The following AZGP1 variants were observed in gnomAD, a reference collection of about 807,000 sequenced individuals.
AZGP1 encodes alpha-2-glycoprotein 1, zinc-binding.
In AZGP1, 28 loss-of-function variants were observed where a neutral mutation model predicts 31.5. That is an observed-to-expected ratio of 0.89 (90% CI 0.66 to 1.22). The LOEUF is 1.22. Ranked by LOEUF, AZGP1 falls within the 50% of genes most tolerant of loss-of-function variation. AZGP1 has a pLI of 0.00. For missense variants in AZGP1, 361 were observed against 371.8 expected (o/e 0.97, Z 0.24); for synonymous variants, 135 against 145.4 (o/e 0.93, Z 0.51).
At chr7:99,970,393 G>A (rs919565858) in intron 2 of AZGP1, among the ~76,000 whole-genome samples, 4 of 151,970 alleles carry the variant, frequency 2.6e-5, no homozygotes, top group Non-Finnish European at 5.9e-5. Context: ...ACAGACGTGT[G>A]CCACCATGCC....
At chr7:99,968,017 A>T in intron 3 of AZGP1, 138 bp downstream of exon 3, 1 of 1,181,610 alleles carries the variant, frequency 8.5e-7, no homozygotes, top group South Asian at 1.3e-5. Flanking sequence ...GGAAGGAATA[A>T]ATCCTAAAAG....
chr7:99,974,252 A>AAAT (rs1182927346), intron 1 of AZGP1, among the ~76,000 whole-genome samples: 1 of 151,948 alleles, frequency 6.6e-6, no homozygotes, highest in Admixed American at 6.6e-5. Context: ...TCCATCTCAA[A>AAAT]AATAATAATA....
rs1789523905 is a variant in AZGP1, at chr7:99,968,326, T to A, written c.442A>T (p.Asn148Tyr). 10 of 1,613,716 alleles carry A rather than the reference T, an allele frequency of 6.2e-6. No individual in the cohort carries two copies. The highest frequency in any genetic ancestry group is 6.8e-6 in the Non-Finnish European group (8 of 1,179,962). ...YYDGKDYIEF[N>Y]KEIPAWVPFD... ...GGGACCCAGGCTGGGATTTCTTTGTTGAATTCAATGTAGTCCTTTCCATCA... is the reference window on the plus strand; with the variant it reads ...GGGACCCAGGCTGGGATTTCTTTGTAGAATTCAATGTAGTCCTTTCCATCA... Residue 148 changes from asparagine to tyrosine, a missense_variant, in exon 3 of 4, where the codon AAC becomes TAC. By Grantham distance (143) the Asn-to-Tyr change is moderately radical. Coordinates refer to ENST00000292401, the MANE Select transcript of AZGP1 (RefSeq NM_001185.4).
Position 99,966,790 on chromosome 7 carries a change from TG to T in AZGP1, c.*212del, listed in dbSNP as rs1789486154. 1.0e-5 allele frequency: 6 copies of T among 592,784 alleles called. No homozygotes were observed. Among genetic ancestry groups the T allele is most frequent in the Non-Finnish European group, 1.7e-5 (6 of 354,184 alleles). 36.7% of individuals were successfully genotyped at this position (592,784 alleles called of 1,614,324 possible). On this transcript the variant is annotated 3_prime_UTR_variant, in exon 4 of 4. Transcript: ENST00000292401. ...TACAGATTAGACAATGGGGTGGGGG[TG>T]GGCTCAAGGTGAGATGATTTTTTGG...
At chr7:99,974,153 G>A (rs1050943339) in intron 1 of AZGP1, among the ~76,000 whole-genome samples, 2 of 151,888 alleles carry the variant, frequency 1.3e-5, no homozygotes, top group Non-Finnish European at 2.9e-5. Context: ...TACACCCGAG[G>A]CAAGATAATT....
rs752076348 is a variant in AZGP1, at chr7:99,966,784, TGGG to T, written c.*216_*218del. On this transcript the variant is annotated 3_prime_UTR_variant, in exon 4 of 4. Coordinates refer to ENST00000292401, the MANE Select transcript of AZGP1 (RefSeq NM_001185.4). ...AGCTTCTACAGATTAGACAATGGGG[TGGG>T]GGTGGGCTCAAGGTGAGATGATTTT... 4 of 523,116 alleles carry T rather than the reference TGGG, an allele frequency of 7.6e-6. No homozygotes were observed. Among genetic ancestry groups the T allele is most frequent in the Non-Finnish European group, 1.3e-5 (4 of 314,824 alleles). The allele number at this position is 523,116 out of a possible 1,614,324, so 32.4% of individuals were successfully genotyped here.
chr7:99,972,986 G>A (rs1444538302), intron 1 of AZGP1, among the ~76,000 whole-genome samples: 4 of 151,946 alleles, frequency 2.6e-5, no homozygotes, highest in African/African-American at 9.7e-5. Context: ...GCATGGTGGC[G>A]GGTGCCTGTA....
Position 99,968,340 on chromosome 7 carries a change from T to G in AZGP1, c.428A>C (p.Asp143Ala). 6.2e-7 allele frequency: 1 copy of G among 1,613,688 alleles called. No individual in the cohort carries two copies. Among genetic ancestry groups the G allele is most frequent in the Non-Finnish European group, 8.5e-7 (1 of 1,179,962 alleles). Residue 143 changes from aspartate (D) to alanine (A), a missense_variant, in exon 3 of 4, where the codon GAC (aspartate) becomes GCC (alanine). By Grantham distance (126) the Asp-to-Ala change is moderately radical (BLOSUM62 -2). Transcript: ENST00000292401. ...GATTTCTTTGTTGAATTCAATGTAG[T>G]CCTTTCCATCATAGTAATATTTCCA... Reference protein sequence around the residue: ...AFWKYYYDGKDYIEFNKEIPA... With the variant: ...AFWKYYYDGKAYIEFNKEIPA...
chr7:99,971,267 G>A (rs1789571521), intron 2 of AZGP1, among the ~76,000 whole-genome samples: 1 of 152,214 alleles, frequency 6.6e-6, no homozygotes, highest in Non-Finnish European at 1.5e-5. Flanking sequence ...TTTGGAGGTA[G>A]GTCTCAGTGC....
chr7:99,967,368 T>G lies in AZGP1; in HGVS notation c.614-82A>C. On this transcript the variant is annotated intron_variant, in intron 3 of 3. Coordinates refer to ENST00000292401, the MANE Select transcript of AZGP1 (RefSeq NM_001185.4). ...GTCTCTTCCTACCCCCACCCCTGGA[T>G]GTCAGCGATCAGCAGAGCTCGAAGC... 6 of 1,468,520 alleles carry G rather than the reference T, an allele frequency of 4.1e-6. No homozygotes were observed. In the South Asian group the frequency reaches 6.6e-5, roughly 16 times the overall value. 91.0% of individuals were successfully genotyped at this position (1,468,520 alleles called of 1,614,324 possible). A position where few individuals can be genotyped will look rare whatever the true frequency, so the allele number is the denominator to read the frequency against.
At chr7:99,970,083 A>T (rs1400258040) in intron 2 of AZGP1, among the ~76,000 whole-genome samples, 1 of 150,526 alleles carries the variant, frequency 6.6e-6, no homozygotes. Context: ...CCTGAACTGG[A>T]GCCACTCAAC....
At chr7:99,968,099 C>T (rs936860612) in intron 3 of AZGP1, 56 bp downstream of exon 3, 2 of 1,599,436 alleles carry the variant, frequency 1.3e-6, no homozygotes, top group Admixed American at 3.3e-5. Flanking sequence ...GAGCTCCTAG[C>T]CTGAGATCGT....
chr7:99,967,416 C>T (rs1789503033), intron 3 of AZGP1, 130 bp from the exon 4 acceptor site: 3 of 1,053,720 alleles, frequency 2.8e-6, no homozygotes, highest in African/African-American at 3.2e-5. Flanking sequence ...CACCCCCAGC[C>T]CCGGGAGACT....
At position 99,966,896 on chromosome 7, in the gene AZGP1, A is replaced by G. The variant is rs1013829766; in HGVS notation, c.*107T>C. 121 of 1,454,750 alleles carry G rather than the reference A, an allele frequency of 8.3e-5. No individual in the cohort carries two copies. The highest frequency in any genetic ancestry group is 1.0e-4 in the Non-Finnish European group (112 of 1,072,270). 90.1% of individuals were successfully genotyped at this position (1,454,750 alleles called of 1,614,324 possible). ...TGTCTGTCCCCCCACACTGCTCCTC[A>G]GGCCTTGTGGATCCATTGACTGTGA... On this transcript the variant is annotated 3_prime_UTR_variant, in exon 4 of 4. Coordinates refer to ENST00000292401, the MANE Select transcript of AZGP1 (RefSeq NM_001185.4).
At chr7:99,975,525 G>A (rs1789647051) in intron 1 of AZGP1, among the ~76,000 whole-genome samples, 2 of 152,094 alleles carry the variant, frequency 1.3e-5, no homozygotes, top group African/African-American at 2.4e-5. Context: ...CATCCCTCCA[G>A]CCAACCTGCC....
At chr7:99,971,693 G>A in intron 2 of AZGP1, 53 bp downstream of exon 2, 1 of 1,573,472 alleles carries the variant, frequency 6.4e-7, no homozygotes, top group Non-Finnish European at 8.7e-7. Flanking sequence ...TCACACTGGG[G>A]GGGCTGCCTC....
chr7:99,971,680 C>A, intron 2 of AZGP1, 66 bp downstream of exon 2: 1 of 1,540,942 alleles, frequency 6.5e-7, no homozygotes, highest in South Asian at 1.2e-5. Context: ...GATCCCTTGC[C>A]ACTCACACTG....
chr7:99,969,785 G>A (rs1034332629), intron 2 of AZGP1, among the ~76,000 whole-genome samples: 1 of 152,162 alleles, frequency 6.6e-6, no homozygotes, highest in African/African-American at 2.4e-5. Context: ...TCTAGGAAGA[G>A]TTCATATCAT....
rs533153594 is a variant in AZGP1 at position 99,968,390 on chromosome 7, C to T, written c.378G>A (p.Glu126=). The T allele has an allele frequency of 6.2e-7, 1 of 1,613,902 alleles. No homozygotes were observed. Among genetic ancestry groups the T allele is most frequent in the Admixed American group, 1.7e-5 (1 of 59,984 alleles). ...AGAATGCTCCGCTGCTTCTGTTATTCTCGATCTCACAACCAAACCTTCCCT... is the reference window on the plus strand; with the variant it reads ...AGAATGCTCCGCTGCTTCTGTTATTTTCGATCTCACAACCAAACCTTCCCT... ...VLQGRFGCEI[E]NNRSSGAFWK... The change falls in exon 3 of 4, where the codon GAG becomes GAA. Residue 126 remains glutamate, a synonymous_variant. Coordinates refer to ENST00000292401, the MANE Select transcript of AZGP1 (RefSeq NM_001185.4).
Sources: gnomAD v4.1 joint callset for allele counts (sites outside exome capture counted in the v4.1 genomes callset) on GRCh38, gnomAD v4.1.1 for gene constraint, MANE v1.5 for transcripts, NCBI Gene and HGNC (gene_info 2026-07-23, HGNC 2026-07-21) for gene names.